SLC23A2: variants seen among roughly 807,000 people sequenced by gnomAD.
SLC23A2 encodes Na(+)/L-ascorbic acid transporter 2.
Under a neutral mutation model 73.3 loss-of-function variants are expected in SLC23A2, and 36 were observed. The observed-to-expected ratio is 0.49, with a 90% CI of 0.38 to 0.65. The LOEUF (loss-of-function observed/expected upper bound fraction) is 0.65. SLC23A2 is among the 30% of genes least tolerant of loss of function. The pLI is 0.00. For synonymous variants in SLC23A2, 343 were observed against 327.3 expected (o/e 1.05, Z -0.52); for missense variants, 507 against 841.6 (o/e 0.60, Z 4.92).
chr20:4,922,699 A>C (rs1482599960), intron 3 of SLC23A2, among the ~76,000 whole-genome samples: 1 of 152,058 alleles, frequency 6.6e-6, no homozygotes, highest in African/African-American at 2.4e-5. Context: ...ATGGTCGTGC[A>C]TGCCTGTAGT....
At chr20:4,968,100 A>G (rs577366862) in intron 2 of SLC23A2, among the ~76,000 whole-genome samples, 1 of 152,318 alleles carries the variant, frequency 6.6e-6, no homozygotes, top group East Asian at 1.9e-4. Context: ...GCTCTTTCCC[A>G]TCTGATTGTA....
chr20:4,879,607 C>T (rs1298583114), intron 9 of SLC23A2, among the ~76,000 whole-genome samples: 2 of 151,958 alleles, frequency 1.3e-5, no homozygotes, highest in Non-Finnish European at 2.9e-5. Context: ...CGCCTGAACT[C>T]AGGAGTCAGA....
intron 11 of SLC23A2, among the ~76,000 whole-genome samples, chr20:4,871,582 T>C (rs1930448751): frequency 6.6e-6 from 1 of 152,114 alleles, no homozygotes; most frequent in African/African-American, 2.4e-5. Context: ...AGAGAAAGGA[T>C]ACAAAGTCAG....
At chr20:4,953,413 C>T (rs2087233730) in intron 2 of SLC23A2, among the ~76,000 whole-genome samples, 1 of 151,970 alleles carries the variant, frequency 6.6e-6, no homozygotes, top group South Asian at 2.1e-4. Flanking sequence ...TAAGAAGATG[C>T]TAAAGCCCTT....
intron 1 of SLC23A2, among the ~76,000 whole-genome samples, 164 bp downstream of exon 1, chr20:5,001,242 A>C (rs1272767357): frequency 7.0e-6 from 1 of 143,068 alleles, no homozygotes; most frequent in East Asian, 2.2e-4. Context: ...GGGTCCCGGG[A>C]GATGGGTCGG....
At chr20:4,975,476 G>A (rs1456582961) in intron 1 of SLC23A2, among the ~76,000 whole-genome samples, 1 of 151,940 alleles carries the variant, frequency 6.6e-6, no homozygotes, top group African/African-American at 2.4e-5. Context: ...CACATCCCGG[G>A]TTCAAGCCAT....
chr20:4,946,579 A>C (rs2087122115), intron 2 of SLC23A2, among the ~76,000 whole-genome samples: 1 of 152,220 alleles, frequency 6.6e-6, no homozygotes, highest in Non-Finnish European at 1.5e-5. Flanking sequence ...CTCTGCCTAC[A>C]GAAGATCCCT....
chr20:4,997,985 A>C (rs1309712771), intron 1 of SLC23A2, among the ~76,000 whole-genome samples: 2 of 152,150 alleles, frequency 1.3e-5, no homozygotes, highest in Non-Finnish European at 2.9e-5. Flanking sequence ...GCCACCTACA[A>C]GCCAGGAAGA....
chr20:4,867,777 A>G lies in SLC23A2; in HGVS notation c.1349T>C (p.Ile450Thr). 1 of 1,564,786 alleles carries G rather than the reference A, an allele frequency of 6.4e-7. No homozygotes were observed. The highest frequency in any genetic ancestry group is 8.8e-7 in the Non-Finnish European group (1 of 1,136,480). Residue 450 changes from isoleucine (I) to threonine (T), a missense_variant, in exon 13 of 17, where the codon ATT becomes ACT. This residue lies in a region of SLC23A2 where 168 missense variants were observed against 302.3 expected (regional missense o/e 0.56). Transcript: ENST00000338244. ...TTAGAAAAATCTGTGTACCTTTGTA[A>G]TTCCCAAAACTCCAATGTTGGGACT... ...SSSPNIGVLG[I>T]TKVGSRRVIQ...
intron 2 of SLC23A2, among the ~76,000 whole-genome samples, chr20:4,962,517 G>A (rs2087409479): frequency 6.6e-6 from 1 of 152,262 alleles, no homozygotes; most frequent in Non-Finnish European, 1.5e-5. Flanking sequence ...CCAAAGTGCT[G>A]TCTGGGAGAC....
intron 1 of SLC23A2, 62 bp downstream of exon 1, chr20:5,001,344 G>C (rs1399680066): frequency 6.8e-6 from 1 of 146,364 alleles, no homozygotes; most frequent in Non-Finnish European, 1.5e-5. Flanking sequence ...CGAGCACCTC[G>C]CGGCCCCGCC....
intron 4 of SLC23A2, among the ~76,000 whole-genome samples, chr20:4,905,113 C>CAAAAAAAAAAAAAAAAAAAAAAAA (rs56708379): frequency 1.0e-5 from 1 of 96,786 alleles, no homozygotes; most frequent in Admixed American, 1.2e-4. Context: ...GATTCTGTCA[C>CAAAAAAAAAAAAAAAAAAAAAAAA]AAAAAAAAAA....
At chr20:4,861,701 T>G (rs1218864268) in intron 15 of SLC23A2, among the ~76,000 whole-genome samples, 1 of 152,146 alleles carries the variant, frequency 6.6e-6, no homozygotes, top group African/African-American at 2.4e-5. Flanking sequence ...AGAGGCATTC[T>G]CCCAAAGGAG....
At chr20:4,986,603 C>T (rs537730078) in intron 1 of SLC23A2, among the ~76,000 whole-genome samples, 138 of 150,300 alleles carry the variant, frequency 9.2e-4, no homozygotes, top group African/African-American at 3.2e-3. Flanking sequence ...CATGAGTCAC[C>T]GCGCCTGGCC....
intron 1 of SLC23A2, among the ~76,000 whole-genome samples, chr20:4,975,285 A>G (rs1166991923): frequency 3.3e-5 from 5 of 152,192 alleles, no homozygotes; most frequent in Non-Finnish European, 7.3e-5. Context: ...ACGGAAGAAA[A>G]CTATGTATTT....
chr20:4,920,670 C>T (rs986403553), intron 3 of SLC23A2, among the ~76,000 whole-genome samples: 3 of 152,190 alleles, frequency 2.0e-5, no homozygotes, highest in East Asian at 3.8e-4. Context: ...AGAACATCAT[C>T]TGTATATCAG....
intron 2 of SLC23A2, among the ~76,000 whole-genome samples, chr20:4,935,179 T>TC (rs1201897846): frequency 1.3e-4 from 13 of 97,950 alleles, no homozygotes; most frequent in African/African-American, 5.2e-4. Context: ...AGAGCGAGAC[T>TC]CCGTCTCAAA....
chr20:4,881,648 T>C (rs1930888005), intron 9 of SLC23A2, among the ~76,000 whole-genome samples: 1 of 152,170 alleles, frequency 6.6e-6, no homozygotes, highest in Non-Finnish European at 1.5e-5. Context: ...TTGTGTCACA[T>C]TTTCTGTATC....
At chr20:4,919,371 T>C (rs1173865106) in intron 3 of SLC23A2, among the ~76,000 whole-genome samples, 1 of 152,204 alleles carries the variant, frequency 6.6e-6, no homozygotes, top group Non-Finnish European at 1.5e-5. Context: ...TTCTTAGGGC[T>C]GCCTTCTCCA....
Sources: gnomAD v4.1 joint callset for allele counts (sites outside exome capture counted in the v4.1 genomes callset) on GRCh38, gnomAD v4.1.1 for gene constraint, gnomAD v4.1.1 regional missense constraint, MANE v1.5 for transcripts, NCBI Gene and HGNC (gene_info 2026-07-23, HGNC 2026-07-21) for gene names.